USP1: variants seen among roughly 807,000 people sequenced by gnomAD.
USP1 encodes ubiquitin specific peptidase 1, also known as ubiquitin carboxyl-terminal hydrolase 1.
In USP1, 18 loss-of-function variants were observed where a neutral mutation model predicts 72.2. The ratio of observed to expected loss-of-function variants is 0.25; its 90% confidence interval spans 0.17 to 0.37. The LOEUF (loss-of-function observed/expected upper bound fraction) is 0.37. Among genes scored for constraint, USP1 ranks in the 10% least tolerant of loss-of-function variants. The probability of loss-of-function intolerance (pLI) is 1.00; values close to 1 mark genes in which losing one functional copy is unlikely to be tolerated. For missense variants in USP1, 759 were observed against 884.9 expected (o/e 0.86, Z 1.81); for synonymous variants, 354 against 303.7 (o/e 1.17, Z -1.72).
chr1:62,445,594 G>A (rs1195976781), intron 6 of USP1, among the ~76,000 whole-genome samples, 165 bp downstream of exon 6: 3 of 150,314 alleles, frequency 2.0e-5, no homozygotes, highest in East Asian at 1.9e-4. Flanking sequence ...GCTATGCTTA[G>A]ATTAGTGTGT....
Position 62,439,153 on chromosome 1 carries a change from A to G in USP1, c.-69-646A>G, listed in dbSNP as rs375914777. On this transcript the variant is annotated intron_variant, in intron 1 of 8. Coordinates refer to ENST00000339950, the MANE Select transcript of USP1 (RefSeq NM_003368.5). ...AATTAGAGGTGGTAGTGCTCAGTCAATATTTTCTGAATGAATCATTATAAT... is the reference window on the plus strand; with the variant it reads ...AATTAGAGGTGGTAGTGCTCAGTCAGTATTTTCTGAATGAATCATTATAAT... Among the ~76,000 whole-genome samples, 105 of 152,268 alleles carry G rather than the reference A, an allele frequency of 6.9e-4. 1 individual carries two copies. The highest frequency in any genetic ancestry group is 2.4e-3 in the African/African-American group (99 of 41,564).
rs765866569 is a variant in USP1 at position 62,441,530 on chromosome 1, T to G, written c.213T>G (p.Cys71Trp). 27 of 1,613,570 alleles carry G rather than the reference T, an allele frequency of 1.7e-5. No individual in the cohort carries two copies. The highest frequency in any genetic ancestry group is 2.1e-5 in the Non-Finnish European group (25 of 1,179,822). ...CAGCACAGTCTTCACCTATAAACTGTGAGAAGAGAGAAAACTTGTTACCAT... is the reference window on the plus strand; with the variant it reads ...CAGCACAGTCTTCACCTATAAACTGGGAGAAGAGAGAAAACTTGTTACCAT... Reference protein sequence around the residue: ...VPAAQSSPINCEKRENLLPFV... With the variant: ...VPAAQSSPINWEKRENLLPFV... Residue 71 changes from cysteine (C) to tryptophan (W), a missense_variant, in exon 3 of 9, where the codon TGT becomes TGG. Around this residue, in one of 9 missense-constraint regions of USP1, gnomAD observed 86 missense variants for 82.0 expected, o/e 1.05. Coordinates refer to ENST00000339950, the MANE Select transcript of USP1 (RefSeq NM_003368.5).
At position 62,444,929 on chromosome 1, in the gene USP1, A is replaced by G. The variant is rs1333745887; in HGVS notation, c.749A>G (p.Glu250Gly). 3.7e-6 allele frequency: 6 copies of G among 1,613,846 alleles called. No individual in the cohort carries two copies. In the East Asian group the frequency reaches 1.3e-4, roughly 36 times the overall value. Residue 250 changes from glutamate to glycine, a missense_variant, in exon 6 of 9, where the codon GAG (glutamate) becomes GGG (glycine). Physicochemically the swap from Glu to Gly is moderately conservative, Grantham distance 98 (BLOSUM62 -2). Around this residue, in one of 9 missense-constraint regions of USP1, gnomAD observed 245 missense variants for 240.7 expected, o/e 1.02. Coordinates refer to ENST00000339950, the MANE Select transcript of USP1 (RefSeq NM_003368.5). ...GAAATGAATGGTATTAACAGCATAG[A>G]GATGGACAGTATGAGGCATTCTGAA... Reference protein sequence around the residue: ...KEEMNGINSIEMDSMRHSEDF... With the variant: ...KEEMNGINSIGMDSMRHSEDF...
Position 62,443,239 on chromosome 1 carries a change from C to T in USP1, c.477C>T (p.Leu159=). 6.2e-7 allele frequency: 1 copy of T among 1,613,958 alleles called. No individual in the cohort carries two copies. Among genetic ancestry groups the T allele is most frequent in the Admixed American group, 1.7e-5 (1 of 59,998 alleles). Residue 159 remains leucine, a synonymous_variant, in exon 5 of 9, where the codon CTC becomes CTT. Coordinates refer to ENST00000339950, the MANE Select transcript of USP1 (RefSeq NM_003368.5). Reference sequence around the variant, plus strand: ...CCTTAATCATTTCGGTTGAACAGCTCCAGGCTAGTTTTCTCTTAAATCCAG... The same window carrying T: ...CCTTAATCATTTCGGTTGAACAGCTTCAGGCTAGTTTTCTCTTAAATCCAG... ...LQSLIISVEQ[L]QASFLLNPEK... is the part of the protein sequence containing the mutation.
Position 62,448,654 on chromosome 1 carries a change from C to G in USP1, c.1610C>G (p.Ala537Gly). ...VITIHLKCFA[A>G]SGLEFDCYGG... is the part of the protein sequence containing the mutation. ...ACTATTCATTTGAAGTGCTTTGCTG[C>G]TAGTGGTTTGGAGTAAGTATTGTAA... Residue 537 changes from alanine to glycine, a missense_variant, in exon 8 of 9, where the codon GCT becomes GGT. By Grantham distance (60) the Ala-to-Gly change is moderately conservative. Coordinates refer to ENST00000339950, the MANE Select transcript of USP1 (RefSeq NM_003368.5). 1 of 1,612,634 alleles carries G rather than the reference C, an allele frequency of 6.2e-7. No homozygotes were observed. The highest frequency in any genetic ancestry group is 8.5e-7 in the Non-Finnish European group (1 of 1,179,860).
rs546141575 is a variant in USP1 at position 62,445,045 on chromosome 1, G to C, written c.865G>C (p.Glu289Gln). 2 of 1,612,802 alleles carry C rather than the reference G, an allele frequency of 1.2e-6. No homozygotes were observed. The highest frequency in any genetic ancestry group is 1.7e-5 in the Admixed American group (1 of 59,814). Residue 289 changes from glutamate (E) to glutamine (Q), a missense_variant, in exon 6 of 9, where the codon GAA becomes CAA. Physicochemically the swap from Glu to Gln is conservative, Grantham distance 29 (BLOSUM62 2). Transcript: ENST00000339950. ...NMKKKVKLSK[E>Q]HQSLEENQRQ... ...GAAGAAAAAAGTTAAATTATCCAAG[G>C]AACACCAGTCATTGGAAGAGAACCA...
intron 4 of USP1, among the ~76,000 whole-genome samples, chr1:62,442,658 A>G (rs1262809776): frequency 6.6e-6 from 1 of 152,206 alleles, no homozygotes; most frequent in African/African-American, 2.4e-5. Flanking sequence ...TTCCATAATT[A>G]AAAAACCATT....
At position 62,437,297 on chromosome 1, in the gene USP1, G is replaced by C. The variant is rs2149203004; in HGVS notation, c.-173G>C. The C allele has an allele frequency of 2.5e-6, 1 of 397,008 alleles. No homozygotes were observed. Among genetic ancestry groups the C allele is most frequent in the Non-Finnish European group, 4.4e-6 (1 of 225,474 alleles). 24.6% of individuals were successfully genotyped at this position (397,008 alleles called of 1,614,324 possible). A position where few individuals can be genotyped will look rare whatever the true frequency, so the allele number is the denominator to read the frequency against. On this transcript the variant is annotated 5_prime_UTR_variant, in exon 1 of 9. Coordinates refer to ENST00000339950, the MANE Select transcript of USP1 (RefSeq NM_003368.5). ...GCCGACCAGATTTTCCTGGGGCCGG[G>C]GACCCGGCGGGCTCGGGGCAGGGAC...
At chr1:62,442,158 G>C in intron 3 of USP1, 37 bp from the exon 4 acceptor site, 2 of 1,355,746 alleles carry the variant, frequency 1.5e-6, no homozygotes, top group Non-Finnish European at 2.1e-6. Context: ...TGTATTGTTT[G>C]TTCAGTAAAC....
rs776057072 is a variant in USP1, at chr1:62,441,541, A to G, written c.224A>G (p.Glu75Gly). Residue 75 changes from glutamate (E) to glycine (G), a missense_variant, in exon 3 of 9, where the codon GAA becomes GGA. This residue lies in a region of USP1 where 86 missense variants were observed against 82.0 expected (regional missense o/e 1.05). Transcript: ENST00000339950. ...QSSPINCEKR[E>G]NLLPFVGLNN... ...TCACCTATAAACTGTGAGAAGAGAGAAAACTTGTTACCATTTGTGGGACTG... is the reference window on the plus strand; with the variant it reads ...TCACCTATAAACTGTGAGAAGAGAGGAAACTTGTTACCATTTGTGGGACTG... 2 of 1,613,588 alleles carry G rather than the reference A, an allele frequency of 1.2e-6. No homozygotes were observed. Among genetic ancestry groups the G allele is most frequent in the African/African-American group, 2.7e-5 (2 of 74,910 alleles).
intron 4 of USP1, among the ~76,000 whole-genome samples, chr1:62,442,810 C>A (rs1443341889): frequency 3.3e-5 from 5 of 151,956 alleles, no homozygotes; most frequent in Non-Finnish European, 7.4e-5. Context: ...TGAGACCAGC[C>A]TGGGTAACAT....
chr1:62,442,840 T>C (rs1055298882), intron 4 of USP1, among the ~76,000 whole-genome samples: 2 of 151,884 alleles, frequency 1.3e-5, no homozygotes, highest in Non-Finnish European at 2.9e-5. Context: ...CTGTCTTTAC[T>C]AAAAATACAA....
At position 62,443,048 on chromosome 1, in the gene USP1, T is replaced by C; in HGVS notation, c.397-111T>C. On this transcript the variant is annotated intron_variant, in intron 4 of 8. Transcript: ENST00000339950. Reference sequence around the variant, plus strand: ...TTATTTGTACATCCCTTAAAATTAGTGCTATTATGCAACTTAGAAAATCTA... The same window carrying C: ...TTATTTGTACATCCCTTAAAATTAGCGCTATTATGCAACTTAGAAAATCTA... 3 of 1,119,608 alleles carry C rather than the reference T, an allele frequency of 2.7e-6. No individual in the cohort carries two copies. In the East Asian group the frequency reaches 7.6e-5, roughly 28 times the overall value. 69.4% of individuals were successfully genotyped at this position (1,119,608 alleles called of 1,614,324 possible).
At position 62,444,940 on chromosome 1, in the gene USP1, A is replaced by G. The variant is rs552934871; in HGVS notation, c.760A>G (p.Met254Val). 1.2e-6 allele frequency: 2 copies of G among 1,613,826 alleles called. No homozygotes were observed. The highest frequency in any genetic ancestry group is 1.1e-5 in the South Asian group (1 of 91,062). The change falls in exon 6 of 9, where the codon ATG becomes GTG. Residue 254 changes from methionine to valine, a missense_variant. Met to Val is a conservative substitution (Grantham distance 21). Transcript: ENST00000339950. The stretch of plus-strand genomic sequence containing the variant: ...TATTAACAGCATAGAGATGGACAGT[A>G]TGAGGCATTCTGAAGACTTTAAAGA... ...NGINSIEMDSMRHSEDFKEKL... is the reference protein window; with the variant it reads ...NGINSIEMDSVRHSEDFKEKL...
chr1:62,440,958 G>A (rs1009634543), intron 2 of USP1, among the ~76,000 whole-genome samples: 1 of 151,732 alleles, frequency 6.6e-6, no homozygotes, highest in African/African-American at 2.4e-5. Flanking sequence ...ACATGTCAAT[G>A]CCCCCACACC....
chr1:62,450,997 C>A lies in USP1; in HGVS notation c.*16C>A. ...GAAATTATAGAGTGAGTGTATTTTC[C>A]TTGTGTATATATTAAACACACCCAT... On this transcript the variant is annotated 3_prime_UTR_variant, in exon 9 of 9. Transcript: ENST00000339950. The A allele has an allele frequency of 6.4e-7, 1 of 1,555,760 alleles. No homozygotes were observed. The highest frequency in any genetic ancestry group is 1.2e-5 in the South Asian group (1 of 81,138).
At chr1:62,448,741 ATAG>A (rs1255785586) in intron 8 of USP1, 75 bp downstream of exon 8, 5 of 1,413,546 alleles carry the variant, frequency 3.5e-6, no homozygotes, top group South Asian at 2.5e-5. Flanking sequence ...AAATGCTGTA[ATAG>A]TAGGAATATA....
chr1:62,446,083 A>G (rs1645170951), intron 6 of USP1, among the ~76,000 whole-genome samples: 1 of 152,244 alleles, frequency 6.6e-6, no homozygotes, highest in Non-Finnish European at 1.5e-5. Flanking sequence ...CTGATGAAGG[A>G]CATTGCATTT....
intron 8 of USP1, 140 bp from the exon 9 acceptor site, chr1:62,450,106 T>C: frequency 2.1e-6 from 2 of 970,492 alleles, no homozygotes; most frequent in African/African-American, 3.3e-5. Flanking sequence ...GTTGGGGTCT[T>C]GTTTTGATTC....
Sources: gnomAD v4.1 joint callset for allele counts (sites outside exome capture counted in the v4.1 genomes callset) on GRCh38, gnomAD v4.1.1 for gene constraint, gnomAD v4.1.1 regional missense constraint, MANE v1.5 for transcripts, NCBI Gene and HGNC (gene_info 2026-07-23, HGNC 2026-07-21) for gene names.